LDLRAD3: variants seen among roughly 807,000 people sequenced by gnomAD.
LDLRAD3 encodes the protein low-density lipoprotein receptor class A domain-containing protein 3.
LDLRAD3 carries 20 observed loss-of-function variants against 29.4 expected under a neutral mutation model. The ratio of observed to expected loss-of-function variants is 0.68; its 90% CI spans 0.48 to 0.99. The LOEUF is 0.99. Among genes scored for constraint, LDLRAD3 ranks in the 50% least tolerant of loss-of-function variants. The pLI, the probability that LDLRAD3 is intolerant of heterozygous loss-of-function variation, is 0.00. For synonymous variants in LDLRAD3, 157 were observed against 192.7 expected, an observed-to-expected ratio of 0.81 and a Z score of 1.53; for missense variants, 420 against 454.3, an observed-to-expected ratio of 0.92 and a Z score of 0.69.
At chr11:36,033,368 G>T (rs1294584146) in intron 1 of LDLRAD3, among the ~76,000 whole-genome samples, 2 of 152,214 alleles carry the variant, frequency 1.3e-5, no homozygotes, top group Admixed American at 6.5e-5. Context: ...GTGTGTAACA[G>T]ACATGGTATT....
At chr11:35,959,273 A>G (rs542685741) in intron 1 of LDLRAD3, among the ~76,000 whole-genome samples, 5 of 152,288 alleles carry the variant, frequency 3.3e-5, no homozygotes, top group Admixed American at 1.3e-4. Flanking sequence ...ACCCTCTGAA[A>G]CCTGGCTAGT....
chr11:36,143,256 C>T (rs1014500261), intron 4 of LDLRAD3, among the ~76,000 whole-genome samples: 2 of 152,206 alleles, frequency 1.3e-5, no homozygotes, highest in Non-Finnish European at 2.9e-5. Flanking sequence ...CTCCGGCAGC[C>T]TTGCTTCCCC....
intron 4 of LDLRAD3, among the ~76,000 whole-genome samples, chr11:36,151,752 G>A (rs974313223): frequency 1.3e-5 from 2 of 152,120 alleles, no homozygotes; most frequent in African/African-American, 2.4e-5. Context: ...AGACCCTGGC[G>A]CTAGCATGAA....
chr11:36,220,286 A>G (rs1225746868), intron 4 of LDLRAD3, among the ~76,000 whole-genome samples: 2 of 152,108 alleles, frequency 1.3e-5, no homozygotes, highest in Admixed American at 1.3e-4. Context: ...CAGTGGGACA[A>G]TTTCTTCTAA....
At chr11:36,099,283 G>C (rs1853410808) in intron 4 of LDLRAD3, among the ~76,000 whole-genome samples, 1 of 152,032 alleles carries the variant, frequency 6.6e-6, no homozygotes. Context: ...AACTGACCGG[G>C]TACATTTCTT....
chr11:36,131,704 A>AT (rs1453707562), intron 4 of LDLRAD3, among the ~76,000 whole-genome samples: 1 of 152,280 alleles, frequency 6.6e-6, no homozygotes, highest in Non-Finnish European at 1.5e-5. Flanking sequence ...TTTGAAATCC[A>AT]GAAAAGAATA....
intron 1 of LDLRAD3, among the ~76,000 whole-genome samples, chr11:35,958,469 A>G (rs892071282): frequency 6.6e-6 from 1 of 152,120 alleles, no homozygotes; most frequent in East Asian, 1.9e-4. Context: ...GTTCAGTCCA[A>G]TCTGGCCGTA....
chr11:36,039,244 C>A (rs1279625988), intron 2 of LDLRAD3, among the ~76,000 whole-genome samples: 1 of 152,180 alleles, frequency 6.6e-6, no homozygotes, highest in Admixed American at 6.5e-5. Flanking sequence ...GCTGGGATTA[C>A]AGGCGTGAGC....
rs1301996549 is a variant in LDLRAD3, at chr11:35,969,817, C to T, written c.46+25673C>T. Among the ~76,000 whole-genome samples, 3 of 152,288 alleles carry T rather than the reference C, an allele frequency of 2.0e-5. No homozygotes were observed. The East Asian group carries it at 5.8e-4, about 29-fold the overall frequency. On this transcript the variant is annotated intron_variant, in intron 1 of 5. Transcript: ENST00000315571. The stretch of plus-strand genomic sequence containing the variant: ...CCTCCAGGGAGGAGGCATGTGGGGC[C>T]CACGTGCATGCGTGGAGTTTTTTTC...
At chr11:36,181,667 A>G (rs34581385) in intron 4 of LDLRAD3, among the ~76,000 whole-genome samples, 3,354 of 152,206 alleles carry the variant, frequency 0.022, 118 homozygotes, top group African/African-American at 0.075. Context: ...ATTAAAATCG[A>G]CTAATTAAAT....
At chr11:35,989,501 A>G (rs1327898724) in intron 1 of LDLRAD3, among the ~76,000 whole-genome samples, 1 of 152,210 alleles carries the variant, frequency 6.6e-6, no homozygotes, top group Non-Finnish European at 1.5e-5. Context: ...ATTCTAATCC[A>G]TGAGCATGGA....
intron 4 of LDLRAD3, among the ~76,000 whole-genome samples, chr11:36,202,187 G>T (rs1451619025): frequency 6.6e-6 from 1 of 151,930 alleles, no homozygotes; most frequent in Non-Finnish European, 1.5e-5. Flanking sequence ...AATAAAAGGT[G>T]TGCACCACCA....
intron 4 of LDLRAD3, among the ~76,000 whole-genome samples, chr11:36,158,034 C>T (rs1854379655): frequency 6.6e-6 from 1 of 152,220 alleles, no homozygotes; most frequent in Non-Finnish European, 1.5e-5. Context: ...ATTCTACATT[C>T]AGCACACTGA....
intron 4 of LDLRAD3, among the ~76,000 whole-genome samples, chr11:36,122,529 A>G (rs891823052): frequency 1.3e-5 from 2 of 152,186 alleles, no homozygotes; most frequent in African/African-American, 4.8e-5. Flanking sequence ...CACTGCAATT[A>G]TTCGTTCTGT....
At chr11:36,119,796 T>A (rs190931543) in intron 4 of LDLRAD3, among the ~76,000 whole-genome samples, 1 of 152,368 alleles carries the variant, frequency 6.6e-6, no homozygotes, top group African/African-American at 2.4e-5. Context: ...TTTCACATTC[T>A]TAACAGCATC....
chr11:36,035,902 C>A (rs984633927), intron 1 of LDLRAD3, among the ~76,000 whole-genome samples: 15 of 152,338 alleles, frequency 9.8e-5, no homozygotes, highest in Non-Finnish European at 2.1e-4. Context: ...CCCTGTATTT[C>A]TCCATTTAGT....
At chr11:36,023,423 A>G (rs1288251838) in intron 1 of LDLRAD3, among the ~76,000 whole-genome samples, 1 of 152,150 alleles carries the variant, frequency 6.6e-6, no homozygotes, top group African/African-American at 2.4e-5. Flanking sequence ...AGAGGCCAGA[A>G]TTGGGTCTCA....
intron 4 of LDLRAD3, among the ~76,000 whole-genome samples, chr11:36,142,450 C>T (rs1854099561): frequency 6.6e-6 from 1 of 152,202 alleles, no homozygotes; most frequent in South Asian, 2.1e-4. Context: ...CAACTGTTCA[C>T]CTACCAGCCT....
At chr11:36,019,650 G>A (rs922417153) in intron 1 of LDLRAD3, among the ~76,000 whole-genome samples, 2 of 152,184 alleles carry the variant, frequency 1.3e-5, no homozygotes, top group Non-Finnish European at 2.9e-5. Flanking sequence ...CTCTCCAGTA[G>A]TAAAGGGCTT....
Sources: gnomAD v4.1 joint callset for allele counts (sites outside exome capture counted in the v4.1 genomes callset) on GRCh38, gnomAD v4.1.1 for gene constraint, MANE v1.5 for transcripts, NCBI Gene and HGNC (gene_info 2026-07-23, HGNC 2026-07-21) for gene names.